The following GPHN variants were observed in gnomAD, a reference collection of about 807,000 sequenced individuals.
GPHN encodes gephyrin.
Under a neutral mutation model 95.5 loss-of-function variants are expected in GPHN, and 17 were observed. The ratio of observed to expected loss-of-function variants is 0.18; its 90% CI spans 0.12 to 0.27. The LOEUF is 0.27. Among genes scored for constraint, GPHN ranks in the 10% least tolerant of loss-of-function variants. GPHN has a pLI of 1.00. For synonymous variants in GPHN, 320 were observed against 322.5 expected (o/e 0.99, Z 0.08); for missense variants, 660 against 978.1 (o/e 0.67, Z 4.34).
chr14:66,597,533 G>C (rs1296693064), intron 1 of GPHN, among the ~76,000 whole-genome samples: 2 of 152,174 alleles, frequency 1.3e-5, no homozygotes, highest in African/African-American at 2.4e-5. Flanking sequence ...AAATTAGAGT[G>C]GGTGCCAGGA....
intron 3 of GPHN, among the ~76,000 whole-genome samples, chr14:66,776,863 C>G (rs972330329): frequency 2.2e-5 from 3 of 134,658 alleles, no homozygotes; most frequent in African/African-American, 8.5e-5. Flanking sequence ...TATAAGCCTT[C>G]ACCACTTTTA....
At chr14:67,534,205 C>T in the GPHN span, among the ~76,000 whole-genome samples, 2 of 152,226 alleles carry the variant, frequency 1.3e-5, no homozygotes, top group African/African-American at 4.8e-5. Flanking sequence ...CATCACTGAA[C>T]GCTTTATAGA....
chr14:67,089,693 C>G (rs2077069790), intron 12 of GPHN, among the ~76,000 whole-genome samples: 2 of 152,126 alleles, frequency 1.3e-5, no homozygotes, highest in Non-Finnish European at 2.9e-5. Flanking sequence ...GCTTTCAACT[C>G]AAACATCAGT....
At chr14:67,135,829 G>A (rs1412080510) in intron 17 of GPHN, among the ~76,000 whole-genome samples, 2 of 151,664 alleles carry the variant, frequency 1.3e-5, no homozygotes, top group Non-Finnish European at 2.9e-5. Context: ...CCTATTGGTA[G>A]TATGTCAGTC....
chr14:67,218,206 A>G, the GPHN span, among the ~76,000 whole-genome samples: 2 of 152,258 alleles, frequency 1.3e-5, no homozygotes, highest in Non-Finnish European at 2.9e-5. Flanking sequence ...GTTTGGGGCC[A>G]TGGGGCTGTT....
intron 12 of GPHN, among the ~76,000 whole-genome samples, chr14:67,099,011 C>T (rs1234443344): frequency 1.3e-5 from 2 of 151,884 alleles, no homozygotes; most frequent in African/African-American, 2.4e-5. Context: ...TTATCATTTG[C>T]TCTGAAAGAT....
At chr14:67,286,412 T>C in the GPHN span, among the ~76,000 whole-genome samples, 5 of 152,332 alleles carry the variant, frequency 3.3e-5, no homozygotes, top group African/African-American at 1.2e-4. Flanking sequence ...TGGAAGAGTG[T>C]ATTTGACAGG....
chr14:67,230,012 C>G, the GPHN span, among the ~76,000 whole-genome samples: 5 of 152,214 alleles, frequency 3.3e-5, no homozygotes, highest in Admixed American at 2.6e-4. Context: ...AGGAGACTAA[C>G]GTTTTTAAGT....
At chr14:66,682,005 G>A (rs184741521) in intron 2 of GPHN, among the ~76,000 whole-genome samples, 12 of 152,174 alleles carry the variant, frequency 7.9e-5, no homozygotes, top group East Asian at 3.9e-4. Flanking sequence ...ACCCTCCCAC[G>A]GGAGTCACTA....
intron 18 of GPHN, among the ~76,000 whole-genome samples, chr14:67,147,583 G>A (rs528734023): frequency 3.3e-5 from 5 of 152,158 alleles, no homozygotes; most frequent in Admixed American, 3.3e-4. Context: ...GTCACCCAGG[G>A]TAGAGTGCAG....
intron 2 of GPHN, among the ~76,000 whole-genome samples, chr14:66,706,277 C>T (rs1339539543): frequency 5.3e-5 from 8 of 152,164 alleles, no homozygotes; most frequent in Admixed American, 5.2e-4. Context: ...CATCAAACTA[C>T]CATTGACATT....
At chr14:66,876,418 A>G (rs1050752841) in intron 4 of GPHN, among the ~76,000 whole-genome samples, 5 of 152,118 alleles carry the variant, frequency 3.3e-5, no homozygotes, top group Non-Finnish European at 7.3e-5. Flanking sequence ...ACTGAAGGAG[A>G]TAGAGACACA....
chr14:67,724,911 G>A, the GPHN span, among the ~76,000 whole-genome samples: 1 of 152,186 alleles, frequency 6.6e-6, no homozygotes, highest in Non-Finnish European at 1.5e-5. Context: ...CCCAGCCTGG[G>A]ATTAAACTGA....
At chr14:67,576,875 G>A in the GPHN span, among the ~76,000 whole-genome samples, 5 of 152,146 alleles carry the variant, frequency 3.3e-5, no homozygotes, top group African/African-American at 9.7e-5. This position sits in a 1 kb window ranked among gnomAD's most constrained non-coding sequence, Gnocchi z 4.0. Flanking sequence ...TAACCTGTTT[G>A]GAGTCTTTCT....
At chr14:67,223,351 GT>G in the GPHN span, among the ~76,000 whole-genome samples, 3 of 152,328 alleles carry the variant, frequency 2.0e-5, no homozygotes, top group East Asian at 5.8e-4. Context: ...CTGTAATGTG[GT>G]TAGGCCTATA....
chr14:66,767,620 T>C (rs2059012881), intron 2 of GPHN, among the ~76,000 whole-genome samples: 1 of 151,800 alleles, frequency 6.6e-6, no homozygotes, highest in Non-Finnish European at 1.5e-5. Flanking sequence ...AATGGAAATT[T>C]GGAATTGCTA....
At chr14:66,802,453 C>G (rs991532210) in intron 3 of GPHN, among the ~76,000 whole-genome samples, 9 of 152,140 alleles carry the variant, frequency 5.9e-5, no homozygotes, top group Admixed American at 5.2e-4. Flanking sequence ...TGCTCAACCC[C>G]CTGTGGCCAA....
the GPHN span, among the ~76,000 whole-genome samples, chr14:67,236,133 ATTG>A: frequency 6.6e-6 from 1 of 152,172 alleles, no homozygotes; most frequent in Non-Finnish European, 1.5e-5. Context: ...TATACTATAC[ATTG>A]TTATTAACTA....
intron 11 of GPHN, among the ~76,000 whole-genome samples, chr14:67,076,937 C>G (rs1306609497): frequency 3.9e-5 from 6 of 152,136 alleles, no homozygotes; most frequent in Admixed American, 3.3e-4. Flanking sequence ...AGAGCTCTCC[C>G]TTAACTTTCT....
Sources: gnomAD v4.1 joint callset for allele counts (sites outside exome capture counted in the v4.1 genomes callset) on GRCh38, gnomAD v4.1.1 for gene constraint, Gnocchi (gnomAD v3.1) non-coding constraint, MANE v1.5 for transcripts, NCBI Gene and HGNC (gene_info 2026-07-23, HGNC 2026-07-21) for gene names.